Variants in GRIN3A observed in about 807,000 individuals in gnomAD.
GRIN3A encodes glutamate ionotropic receptor NMDA type subunit 3A, also known as glutamate receptor ionotropic, NMDA 3A.
A neutral mutation model predicts 92.4 loss-of-function variants in GRIN3A; 47 were observed. The ratio of observed to expected loss-of-function variants is 0.51; its 90% CI spans 0.40 to 0.65. GRIN3A has a LOEUF of 0.65. Ranked by LOEUF, GRIN3A falls within the 30% of genes least tolerant of loss-of-function variation. The probability of loss-of-function intolerance (pLI) is 0.00; values close to 1 mark genes in which losing one functional copy is unlikely to be tolerated. For missense variants in GRIN3A, 1,324 were observed against 1,393.1 expected, an observed-to-expected ratio of 0.95 and a Z score of 0.79; for synonymous variants, 527 against 540.6, an observed-to-expected ratio of 0.97 and a Z score of 0.35.
At position 101,670,776 on chromosome 9, in the gene GRIN3A, G is replaced by C. The variant is rs780421335; in HGVS notation, c.1636C>G (p.Pro546Ala). The change falls in exon 3 of 9, where the codon CCC becomes GCC. Residue 546 changes from proline (P) to alanine (A), a missense_variant. By Grantham distance (27) the Pro-to-Ala change is conservative. Coordinates refer to ENST00000361820, the MANE Select transcript of GRIN3A (RefSeq NM_133445.3). The stretch of plus-strand genomic sequence containing the variant: ...AATGTGGAAGAGTCATTAGTCATGG[G>C]GTCTAGACAGAGTTGGCCAGCAGGG... ...LCPAGQLCLD[P>A]MTNDSSTLDS... 2.4e-5 allele frequency: 38 copies of C among 1,613,856 alleles called. No homozygotes were observed. In the South Asian group the frequency reaches 3.7e-4, roughly 16 times the overall value.
At chr9:101,719,302 C>A (rs749369651) in intron 1 of GRIN3A, among the ~76,000 whole-genome samples, 5 of 151,918 alleles carry the variant, frequency 3.3e-5, no homozygotes, top group Admixed American at 1.3e-4. Context: ...GCCTGTAATT[C>A]CAGCTACTCA....
chr9:101,574,424 ATGAC>A (rs1827801313), intron 8 of GRIN3A, among the ~76,000 whole-genome samples: 1 of 152,182 alleles, frequency 6.6e-6, no homozygotes, highest in Non-Finnish European at 1.5e-5. Context: ...TAGGAGGGTT[ATGAC>A]AACTTTTGCA....
chr9:101,624,139 T>C (rs994489840), intron 4 of GRIN3A, among the ~76,000 whole-genome samples: 2 of 152,236 alleles, frequency 1.3e-5, no homozygotes, highest in African/African-American at 4.8e-5. Flanking sequence ...TTGCTTTTAT[T>C]GTGACTATGT....
At chr9:101,724,175 G>A (rs980511396) in intron 1 of GRIN3A, among the ~76,000 whole-genome samples, 60 of 125,600 alleles carry the variant, frequency 4.8e-4, no homozygotes, top group Non-Finnish European at 8.8e-4. Context: ...GGTGGCGTTC[G>A]TCGAGGAGGC....
At chr9:101,581,471 C>T (rs1169265517) in intron 6 of GRIN3A, among the ~76,000 whole-genome samples, 2 of 152,096 alleles carry the variant, frequency 1.3e-5, no homozygotes, top group African/African-American at 2.4e-5. Flanking sequence ...GGGATGAGTG[C>T]CCTTATAAAA....
chr9:101,656,694 T>C (rs926978677), intron 3 of GRIN3A, among the ~76,000 whole-genome samples: 3 of 151,890 alleles, frequency 2.0e-5, no homozygotes, highest in African/African-American at 7.2e-5. Flanking sequence ...GAACTGCTTG[T>C]CCTTGAACCA....
chr9:101,587,309 CAAA>C (rs113147915), intron 6 of GRIN3A, among the ~76,000 whole-genome samples: 137 of 99,798 alleles, frequency 1.4e-3, no homozygotes, highest in Middle Eastern at 6.3e-3. Context: ...GACTCCATCT[CAAA>C]AAAAAAAAAA....
intron 1 of GRIN3A, among the ~76,000 whole-genome samples, chr9:101,701,325 A>G (rs1324872055): frequency 2.6e-5 from 4 of 152,128 alleles, no homozygotes; most frequent in African/African-American, 7.2e-5. Context: ...TCACCGACGT[A>G]TTAAGTCTAG....
intron 5 of GRIN3A, among the ~76,000 whole-genome samples, chr9:101,616,290 G>T (rs575655615): frequency 6.6e-6 from 1 of 152,288 alleles, no homozygotes; most frequent in South Asian, 2.1e-4. Context: ...TGTTTCTAAA[G>T]AAAGCTGATT....
At chr9:101,721,965 A>G (rs1271861833) in intron 1 of GRIN3A, among the ~76,000 whole-genome samples, 1 of 152,228 alleles carries the variant, frequency 6.6e-6, no homozygotes, top group African/African-American at 2.4e-5. Context: ...AGAAATTTGA[A>G]TAAGTAGCAG....
rs532731471 is a variant in GRIN3A at position 101,662,205 on chromosome 9, G to T, written c.2352+7855C>A. Among the ~76,000 whole-genome samples, 5 of 151,898 alleles carry T rather than the reference G, an allele frequency of 3.3e-5. No individual in the cohort carries two copies. The East Asian group carries it at 9.8e-4, about 30-fold the overall frequency. On this transcript the variant is annotated intron_variant, in intron 3 of 8. Transcript: ENST00000361820. ...ATGACAATTAATCTGTTTTTAGTAG[G>T]CAAGAAATTTGTCTCCAAACTCCTC... is the stretch of plus-strand genomic sequence containing the variant.
intron 1 of GRIN3A, among the ~76,000 whole-genome samples, chr9:101,705,247 C>T (rs1416452897): frequency 6.6e-6 from 1 of 152,050 alleles, no homozygotes; most frequent in African/African-American, 2.4e-5. Context: ...TTGAGAAGAG[C>T]AGAGGAACAG....
chr9:101,634,022 A>G (rs10989568), intron 3 of GRIN3A, among the ~76,000 whole-genome samples: 83,564 of 151,606 alleles, frequency 0.55, 23,082 homozygotes, highest in African/African-American at 0.59. Context: ...CTGCTTGATC[A>G]TCTCCAGTGA....
intron 1 of GRIN3A, among the ~76,000 whole-genome samples, chr9:101,730,704 A>G (rs1225145916): frequency 6.6e-6 from 1 of 152,126 alleles, no homozygotes; most frequent in Non-Finnish European, 1.5e-5. Flanking sequence ...ACTGTGAGGA[A>G]AAAATTATAA....
At chr9:101,687,680 G>A (rs1180560124) in intron 1 of GRIN3A, among the ~76,000 whole-genome samples, 4 of 152,192 alleles carry the variant, frequency 2.6e-5, no homozygotes, top group Non-Finnish European at 4.4e-5. Context: ...GTGAAAGATG[G>A]ATGCATCATA....
In GRIN3A at chr9:101,573,116, A is replaced by T. The variant is rs1167189703; in HGVS notation, c.*58T>A. 1 of 1,392,082 alleles carries T rather than the reference A, an allele frequency of 7.2e-7. No homozygotes were observed. The highest frequency in any genetic ancestry group is 2.3e-5 in the East Asian group (1 of 43,812). 86.2% of individuals were successfully genotyped at this position (1,392,082 alleles called of 1,614,324 possible). A position where few individuals can be genotyped will look rare whatever the true frequency, so the allele number is the denominator to read the frequency against. Reference sequence around the variant, plus strand: ...CGATAGTTACAAAAGAGCATTACAAAGTGTCTCAAGGGCTCAGAGGAAGGT... The same window carrying T: ...CGATAGTTACAAAAGAGCATTACAATGTGTCTCAAGGGCTCAGAGGAAGGT... On this transcript the variant is annotated 3_prime_UTR_variant, in exon 9 of 9. Transcript: ENST00000361820.
chr9:101,725,658 G>A (rs950667996), intron 1 of GRIN3A, among the ~76,000 whole-genome samples: 1 of 152,188 alleles, frequency 6.6e-6, no homozygotes, highest in Non-Finnish European at 1.5e-5. Flanking sequence ...TACTAGATCT[G>A]GTTATTGGTT....
In GRIN3A at chr9:101,738,141, G is replaced by A. The variant is rs1588304868; in HGVS notation, c.-162C>T. 1.4e-6 allele frequency: 1 copy of A among 704,114 alleles called. No homozygotes were observed. The highest frequency in any genetic ancestry group is 2.5e-6 in the Non-Finnish European group (1 of 397,308). The allele number at this position is 704,114 out of a possible 1,614,324, so 43.6% of individuals were successfully genotyped here. ...CGGTCTCTAGGCCATGCAAGTTGGAGCGTAGCGCGCCTCCGGCAGTCTCAG... is the reference window on the plus strand; with the variant it reads ...CGGTCTCTAGGCCATGCAAGTTGGAACGTAGCGCGCCTCCGGCAGTCTCAG... On this transcript the variant is annotated 5_prime_UTR_variant, in exon 1 of 9. Coordinates refer to ENST00000361820, the MANE Select transcript of GRIN3A (RefSeq NM_133445.3).
chr9:101,643,376 C>A (rs1828892131), intron 3 of GRIN3A, among the ~76,000 whole-genome samples: 1 of 151,934 alleles, frequency 6.6e-6, no homozygotes, highest in Admixed American at 6.6e-5. Context: ...GTTAAGATGA[C>A]TATTATCAAA....
Sources: gnomAD v4.1 joint callset for allele counts (sites outside exome capture counted in the v4.1 genomes callset) on GRCh38, gnomAD v4.1.1 for gene constraint, MANE v1.5 for transcripts, NCBI Gene and HGNC (gene_info 2026-07-23, HGNC 2026-07-21) for gene names.